TTC19: variants seen among roughly 807,000 people sequenced by gnomAD.
The protein encoded by TTC19 is tetratricopeptide repeat domain 19.
Under a neutral mutation model 49.5 loss-of-function variants are expected in TTC19, and 38 were observed. The ratio of observed to expected loss-of-function variants is 0.77; its 90% CI spans 0.59 to 1.01. TTC19 has a LOEUF of 1.01. Ranked by LOEUF, TTC19 falls within the 50% of genes least tolerant of loss-of-function variation. The probability of loss-of-function intolerance (pLI) is 0.00; values close to 1 mark genes in which losing one functional copy is unlikely to be tolerated. For synonymous variants in TTC19, 204 were observed against 185.2 expected, an observed-to-expected ratio of 1.10 and a Z score of -0.83; for missense variants, 475 against 477.7, an observed-to-expected ratio of 0.99 and a Z score of 0.05.
intron 4 of TTC19, 39 bp from the exon 5 acceptor site, chr17:16,003,792 G>A (rs761281911): frequency 1.9e-6 from 3 of 1,557,632 alleles, no homozygotes; most frequent in South Asian, 2.3e-5. Flanking sequence ...TATAAAATGG[G>A]GCCCAATTAA....
rs191531261 is a variant in TTC19, at chr17:16,042,123, G to A, written c.248-2380G>A. Among the ~76,000 whole-genome samples, 177 of 149,562 alleles carry A rather than the reference G, an allele frequency of 1.2e-3. 1 individual carries two copies. Among genetic ancestry groups the A allele is most frequent in the African/African-American group, 4.2e-3 (169 of 40,172 alleles). ...GAGGAGGGAAGAGTGCATGTGCCTA[G>A]AAACAAACTTGGTTGATTAGGGAGG... On this transcript the variant is annotated intron_variant, in intron 2 of 2. Coordinates refer to the TTC19 transcript ENST00000470649.
rs766241698 is a variant in TTC19, at chr17:16,000,044, G to GGGCCGGGCGGGGCC, written c.184+25_184+38dup. The GGGCCGGGCGGGGCC allele has an allele frequency of 5.5e-6, 7 of 1,261,748 alleles. No individual in the cohort carries two copies. The highest frequency in any genetic ancestry group is 1.6e-5 in the African/African-American group (1 of 63,190). The allele number at this position is 1,261,748 out of a possible 1,614,324, so 78.2% of individuals were successfully genotyped here. On this transcript the variant is annotated intron_variant, in intron 1 of 9. Transcript: ENST00000261647. ...GCCGCTGCTGGCAGGTGAGGGGCGC[G>GGGCCGGGCGGGGCC]GGCCGGGCGGGGCCGGCCGGGCGGG...
chr17:16,007,031 G>C (rs577341879), intron 7 of TTC19, among the ~76,000 whole-genome samples: 1 of 152,174 alleles, frequency 6.6e-6, no homozygotes, highest in Non-Finnish European at 1.5e-5. Flanking sequence ...AAGCTCTCTA[G>C]CTCTCCACCA....
chr17:16,000,383 G>T (rs1430645426), intron 2 of TTC19, 138 bp downstream of exon 2: 2 of 1,512,094 alleles, frequency 1.3e-6, no homozygotes, highest in South Asian at 2.4e-5. Context: ...CGAGAATGAG[G>T]TGGGTCATCC....
At chr17:16,041,523 C>A (rs912520482) in intron 2 of TTC19, among the ~76,000 whole-genome samples, 4 of 149,380 alleles carry the variant, frequency 2.7e-5, no homozygotes, top group African/African-American at 1.0e-4. Flanking sequence ...AAGCAGTTCT[C>A]CTGCCTCAGC....
rs1290330215 is a variant in TTC19 at position 16,004,331 on chromosome 17, C to T, written c.581+69C>T. 14 of 1,415,904 alleles carry T rather than the reference C, an allele frequency of 9.9e-6. No homozygotes were observed. The East Asian group carries it at 3.0e-4, about 30-fold the overall frequency. 87.7% of individuals were successfully genotyped at this position (1,415,904 alleles called of 1,614,324 possible). A position where few individuals can be genotyped will look rare whatever the true frequency, so the allele number is the denominator to read the frequency against. On this transcript the variant is annotated intron_variant, in intron 6 of 9. Transcript: ENST00000261647. ...TGACTCTGGGATGTTACATAATATTCATTGTCTACTGGTCATCTGGGTCTC... is the reference window on the plus strand; with the variant it reads ...TGACTCTGGGATGTTACATAATATTTATTGTCTACTGGTCATCTGGGTCTC...
chr17:16,032,257 A>T (rs889608708), downstream of TTC19: 3 of 1,526,952 alleles, frequency 2.0e-6, no homozygotes, highest in Non-Finnish European at 2.6e-6. Flanking sequence ...AAAACTAGAG[A>T]TCCCTCTCCT....
In TTC19 at chr17:16,028,667, G is replaced by A; in HGVS notation, c.*1145G>A. 2.2e-6 allele frequency: 1 copy of A among 453,760 alleles called. No homozygotes were observed. The highest frequency in any genetic ancestry group is 4.4e-6 in the Non-Finnish European group (1 of 226,700). The allele number at this position is 453,760 out of a possible 1,614,324, so 28.1% of individuals were successfully genotyped here. ...AGTTTTTCTAGGTACCATGAAGGAA[G>A]ATTGACCCTGTTGGTATGCCTGTGG... is the stretch of plus-strand genomic sequence containing the variant. On this transcript the variant is annotated 3_prime_UTR_variant, in exon 10 of 10. Coordinates refer to ENST00000261647, the MANE Select transcript of TTC19 (RefSeq NM_017775.4).
intron 7 of TTC19, among the ~76,000 whole-genome samples, chr17:16,022,683 A>T (rs1971421636): frequency 6.6e-6 from 1 of 152,194 alleles, no homozygotes; most frequent in Admixed American, 6.5e-5. Flanking sequence ...ATGTAAACCT[A>T]GTTTGATATA....
downstream of TTC19, among the ~76,000 whole-genome samples, chr17:16,033,376 C>G (rs553646883): frequency 4.7e-5 from 7 of 147,932 alleles, no homozygotes; most frequent in East Asian, 1.4e-3. Context: ...TAAAACATAA[C>G]CATTTAATCA....
rs138999666 is a variant in TTC19 at position 16,044,806 on chromosome 17, T to G, written c.*251T>G. The G allele has an allele frequency of 9.0e-6, 10 of 1,105,248 alleles. 1 individual carries two copies. In the South Asian group the frequency reaches 1.3e-4, roughly 14 times the overall value. 68.5% of individuals were successfully genotyped at this position (1,105,248 alleles called of 1,614,324 possible). On this transcript the variant is annotated 3_prime_UTR_variant, in exon 3 of 3. Transcript: ENST00000470649. ...TCAACATTGGGAGCCTCATCTACAA[T>G]GTAGGGGCTGGTGGACCTGCTCCAG...
intron 7 of TTC19, among the ~76,000 whole-genome samples, chr17:16,015,080 T>C (rs778731458): frequency 2.6e-5 from 4 of 152,220 alleles, no homozygotes; most frequent in Admixed American, 6.5e-5. Context: ...CTATTATGTT[T>C]GTATTATTTG....
intron 8 of TTC19, among the ~76,000 whole-genome samples, chr17:16,026,281 A>C (rs1971555536): frequency 6.6e-6 from 1 of 152,202 alleles, no homozygotes; most frequent in Admixed American, 6.5e-5. Flanking sequence ...CTGGGTAATT[A>C]GTTGGATTAA....
chr17:16,040,665 C>T, intron 2 of TTC19: 1 of 653,660 alleles, frequency 1.5e-6, no homozygotes, highest in South Asian at 1.6e-5. Context: ...TTTTTTGAGA[C>T]AGGGTCTCAC....
chr17:16,024,597 G>A (rs147751866), intron 7 of TTC19: 81 of 254,818 alleles, frequency 3.2e-4, no homozygotes, highest in Non-Finnish European at 3.6e-4. Flanking sequence ...GAGCCACCGC[G>A]CCCGGCCTTT....
chr17:16,021,982 T>C (rs574498236), intron 7 of TTC19, among the ~76,000 whole-genome samples: 1 of 152,272 alleles, frequency 6.6e-6, no homozygotes, highest in East Asian at 1.9e-4. Flanking sequence ...GATTCCAGAC[T>C]TGGCCATTCA....
Position 16,028,075 on chromosome 17 carries a change from G to T in TTC19, c.*553G>T. 1 of 454,112 alleles carries T rather than the reference G, an allele frequency of 2.2e-6. No individual in the cohort carries two copies. Among genetic ancestry groups the T allele is most frequent in the Non-Finnish European group, 4.4e-6 (1 of 226,788 alleles). The allele number at this position is 454,112 out of a possible 1,614,324, so 28.1% of individuals were successfully genotyped here. A position where few individuals can be genotyped will look rare whatever the true frequency, so the allele number is the denominator to read the frequency against. Reference sequence around the variant, plus strand: ...TTAGTTTGCTACCAGCATCCAGCATGAAGTTGTAAAGTGGGGATTAGGCAC... The same window carrying T: ...TTAGTTTGCTACCAGCATCCAGCATTAAGTTGTAAAGTGGGGATTAGGCAC... On this transcript the variant is annotated 3_prime_UTR_variant, in exon 10 of 10. Coordinates refer to ENST00000261647, the MANE Select transcript of TTC19 (RefSeq NM_017775.4).
At chr17:16,039,466 G>T in intron 2 of TTC19, 8 of 1,613,968 alleles carry the variant, frequency 5.0e-6, no homozygotes, top group Non-Finnish European at 6.8e-6. Context: ...TCCTCTCTTC[G>T]TGTCTCACCA....
intron 7 of TTC19, among the ~76,000 whole-genome samples, chr17:16,015,262 T>C (rs1424668419): frequency 1.3e-5 from 2 of 152,228 alleles, no homozygotes; most frequent in African/African-American, 4.8e-5. Flanking sequence ...CAGCTTTTTT[T>C]TTCCTTCTTG....
Sources: gnomAD v4.1 joint callset for allele counts (sites outside exome capture counted in the v4.1 genomes callset) on GRCh38, gnomAD v4.1.1 for gene constraint, MANE v1.5 for transcripts, NCBI Gene and HGNC (gene_info 2026-07-23, HGNC 2026-07-21) for gene names.